Variants in RRAS2 observed in about 807,000 individuals in gnomAD.
RRAS2 encodes ras-related protein R-Ras2.
In RRAS2, 7 loss-of-function variants were observed where a neutral mutation model predicts 27.6. That is an observed-to-expected ratio of 0.25 (90% CI 0.14 to 0.48). The LOEUF is 0.48. RRAS2 is among the 20% of genes least tolerant of loss of function. The pLI is 0.99. For missense variants in RRAS2, 178 were observed against 256.2 expected, an observed-to-expected ratio of 0.69 and a Z score of 2.08; for synonymous variants, 86 against 90.9, an observed-to-expected ratio of 0.95 and a Z score of 0.31.
At chr11:14,286,547 G>A (rs1241845923) in intron 4 of RRAS2, among the ~76,000 whole-genome samples, 1 of 152,138 alleles carries the variant, frequency 6.6e-6, no homozygotes, top group Admixed American at 6.5e-5. Flanking sequence ...AGCCCTGTTT[G>A]AGCTCAAGGT....
At position 14,358,665 on chromosome 11, in the gene RRAS2, C is replaced by G. The variant is rs1422691182; in HGVS notation, c.108+98G>C. 7.1e-6 allele frequency: 7 copies of G among 991,026 alleles called. No individual in the cohort carries two copies. In the South Asian group the frequency reaches 1.8e-4, roughly 26 times the overall value. 61.4% of individuals were successfully genotyped at this position (991,026 alleles called of 1,614,324 possible). A position where few individuals can be genotyped will look rare whatever the true frequency, so the allele number is the denominator to read the frequency against. ...CTGGCCCCGGCCCGGGCCCGCGAGG[C>G]GCCTCTGGGGCGAGGTCGCGGCGGC... On this transcript the variant is annotated intron_variant, in intron 1 of 5. Coordinates refer to ENST00000256196, the MANE Select transcript of RRAS2 (RefSeq NM_012250.6). The surrounding 1 kb of genome is among the most constrained non-coding windows in gnomAD (Gnocchi z 5.1).
intron 1 of RRAS2, among the ~76,000 whole-genome samples, chr11:14,351,134 C>A (rs1848941702): frequency 1.3e-5 from 2 of 152,146 alleles, no homozygotes; most frequent in South Asian, 4.2e-4. Context: ...TTCTGCCCCC[C>A]AAAAAATGCA....
chr11:14,312,794 A>G (rs1848005372), intron 1 of RRAS2, among the ~76,000 whole-genome samples: 1 of 152,240 alleles, frequency 6.6e-6, no homozygotes, highest in South Asian at 2.1e-4. Context: ...CAAAAAAGCA[A>G]TCTCACACCT....
intron 1 of RRAS2, among the ~76,000 whole-genome samples, chr11:14,356,111 T>C (rs1849067336): frequency 6.6e-6 from 1 of 152,106 alleles, no homozygotes; most frequent in African/African-American, 2.4e-5. Context: ...AAAACTAAGG[T>C]ACAGAGAAGT....
intron 1 of RRAS2, chr11:14,308,438 C>G (rs2915408): frequency 0.86 from 201,583 of 233,286 alleles, 87,510 homozygotes; most frequent in Middle Eastern, 0.9. Flanking sequence ...CTGGCTCTCA[C>G]CTATAAATGA....
chr11:14,324,998 C>T (rs912255978), intron 1 of RRAS2, among the ~76,000 whole-genome samples: 2 of 152,182 alleles, frequency 1.3e-5, no homozygotes, highest in East Asian at 1.9e-4. Context: ...TCTCTAAGCA[C>T]AGCCTGTATT....
chr11:14,294,614 T>C, intron 3 of RRAS2, 35 bp from the exon 4 acceptor site: 1 of 1,524,534 alleles, frequency 6.6e-7, no homozygotes, highest in Non-Finnish European at 9.0e-7. Context: ...AATTAATCAA[T>C]TTGGTCAAGT....
rs1849135227 is a variant in RRAS2, at chr11:14,358,650, C to A, written c.108+113G>T. The A allele has an allele frequency of 1.0e-6, 1 of 980,074 alleles. No individual in the cohort carries two copies. The allele number at this position is 980,074 out of a possible 1,614,324, so 60.7% of individuals were successfully genotyped here. ...GCGCCCTCCCGCCCCCTGGCCCCGG[C>A]CCGGGCCCGCGAGGCGCCTCTGGGG... On this transcript the variant is annotated intron_variant, in intron 1 of 5. Transcript: ENST00000256196. The surrounding 1 kb of genome is among the most constrained non-coding windows in gnomAD (Gnocchi z 5.1).
intron 4 of RRAS2, among the ~76,000 whole-genome samples, chr11:14,293,124 A>AATATGTATATATAT (rs1847452208): frequency 1.3e-5 from 1 of 76,822 alleles, no homozygotes; most frequent in Non-Finnish European, 2.3e-5. Flanking sequence ...AAACAAAACA[A>AATATGTATATATAT]ATATATATAT....
chr11:14,362,842 A>G (rs1849207816), upstream of RRAS2, among the ~76,000 whole-genome samples: 1 of 152,208 alleles, frequency 6.6e-6, no homozygotes, highest in Admixed American at 6.5e-5. Context: ...GGAGAGCCTC[A>G]CATCGCAGAA....
chr11:14,361,063 A>G (rs1276975877), upstream of RRAS2, among the ~76,000 whole-genome samples: 2 of 149,920 alleles, frequency 1.3e-5, no homozygotes, highest in Non-Finnish European at 3.0e-5. Flanking sequence ...AGGGAGGCGG[A>G]TTGCTCGCTT....
At chr11:14,329,126 T>C (rs1403715744) in intron 1 of RRAS2, among the ~76,000 whole-genome samples, 2 of 151,458 alleles carry the variant, frequency 1.3e-5, no homozygotes, top group African/African-American at 4.8e-5. Flanking sequence ...TATATTTTTT[T>C]TGAGATGGAG....
intron 1 of RRAS2, among the ~76,000 whole-genome samples, chr11:14,350,087 GT>G (rs1222820506): frequency 6.6e-6 from 1 of 152,020 alleles, no homozygotes; most frequent in Non-Finnish European, 1.5e-5. Context: ...TTTGTGTTTT[GT>G]TTTTGCCCCA....
chr11:14,354,801 C>T (rs782811156), intron 1 of RRAS2, among the ~76,000 whole-genome samples: 1 of 151,556 alleles, frequency 6.6e-6, no homozygotes, highest in African/African-American at 2.4e-5. Context: ...CTCAGCCTCC[C>T]GAGTAACTGG....
chr11:14,356,452 C>T (rs1849075902), intron 1 of RRAS2, among the ~76,000 whole-genome samples: 1 of 152,226 alleles, frequency 6.6e-6, no homozygotes, highest in South Asian at 2.1e-4. Context: ...CCTACCATTA[C>T]TGAGCACATA....
chr11:14,362,387 A>C (rs1227191477), upstream of RRAS2, among the ~76,000 whole-genome samples: 2 of 149,072 alleles, frequency 1.3e-5, no homozygotes, highest in African/African-American at 5.2e-5. Flanking sequence ...AGCAAATGAG[A>C]AGTCCATATG....
intron 1 of RRAS2, among the ~76,000 whole-genome samples, chr11:14,324,014 T>C (rs1848288335): frequency 6.6e-6 from 1 of 151,590 alleles, no homozygotes; most frequent in Non-Finnish European, 1.5e-5. Context: ...CAACACTTTT[T>C]ACAGTGAAAC....
intron 1 of RRAS2, among the ~76,000 whole-genome samples, chr11:14,334,650 T>A (rs1419169845): frequency 1.3e-5 from 2 of 151,774 alleles, no homozygotes; most frequent in African/African-American, 4.8e-5. Context: ...CTCTCCTGCA[T>A]CCATAAACAT....
At chr11:14,317,731 C>A (rs892737946) in intron 1 of RRAS2, among the ~76,000 whole-genome samples, 1 of 152,126 alleles carries the variant, frequency 6.6e-6, no homozygotes, top group East Asian at 1.9e-4. Context: ...AGTTTTTCCT[C>A]TTGATCTTTC....
Sources: allele counts gnomAD v4.1 joint callset (sites outside exome capture counted in the v4.1 genomes callset), GRCh38; gene constraint gnomAD v4.1.1; non-coding constraint Gnocchi (gnomAD v3.1); transcripts MANE v1.5; gene names NCBI Gene and HGNC (gene_info 2026-07-23, HGNC 2026-07-21).